KIRREL3: variants seen among roughly 807,000 people sequenced by gnomAD.
KIRREL3 encodes the protein kin of IRRE-like protein 3.
KIRREL3 carries 36 observed loss-of-function variants against 89.7 expected under a neutral mutation model. That is an observed-to-expected ratio of 0.40 (90% confidence interval 0.31 to 0.53). The LOEUF is 0.53. Among genes scored for constraint, KIRREL3 ranks in the 20% least tolerant of loss-of-function variants. The pLI is 0.49. For missense variants in KIRREL3, 864 were observed against 1,056.6 expected, an observed-to-expected ratio of 0.82 and a Z score of 2.53; for synonymous variants, 445 against 441.4, an observed-to-expected ratio of 1.01 and a Z score of -0.10.
At chr11:126,836,679 C>A (rs1943793081) in intron 1 of KIRREL3, among the ~76,000 whole-genome samples, 7 of 152,102 alleles carry the variant, frequency 4.6e-5, no homozygotes. Flanking sequence ...TTCCTTAACT[C>A]CTCATTGCAG....
At position 126,476,755 on chromosome 11, in the gene KIRREL3, G is replaced by A. The variant is rs533203397; in HGVS notation, c.434-3289C>T. On this transcript the variant is annotated intron_variant, in intron 4 of 16. Coordinates refer to ENST00000525144, the MANE Select transcript of KIRREL3 (RefSeq NM_032531.4). This position sits in a 1 kb window ranked among gnomAD's most constrained non-coding sequence, Gnocchi z 6.4. ...CAGTCGCTCTTGGCAGCTGTGTCTG[G>A]CGTGGAAGGGGGCTCCTCATTACCT... Among the ~76,000 whole-genome samples, 1 of 152,130 alleles carries A rather than the reference G, an allele frequency of 6.6e-6. No homozygotes were observed. Among genetic ancestry groups the A allele is most frequent in the Admixed American group, 6.5e-5 (1 of 15,288 alleles).
chr11:126,805,359 C>T lies in KIRREL3; in HGVS notation c.55+195096G>A, dbSNP rs921032911. Among the ~76,000 whole-genome samples, 1 of 152,118 alleles carries T rather than the reference C, an allele frequency of 6.6e-6. No individual in the cohort carries two copies. Among genetic ancestry groups the T allele is most frequent in the Non-Finnish European group, 1.5e-5 (1 of 68,018 alleles). On this transcript the variant is annotated intron_variant, in intron 1 of 16. Transcript: ENST00000525144. The surrounding 1 kb of genome is among the most constrained non-coding windows in gnomAD (Gnocchi z 4.3). Reference sequence around the variant, plus strand: ...GAAAGGAGATTACCCTATTACAAGTCATACTGGGTGGAGGAGATTTAATTA... The same window carrying T: ...GAAAGGAGATTACCCTATTACAAGTTATACTGGGTGGAGGAGATTTAATTA...
intron 1 of KIRREL3, among the ~76,000 whole-genome samples, chr11:126,926,110 G>A (rs767871924): frequency 6.6e-5 from 10 of 152,198 alleles, no homozygotes; most frequent in Non-Finnish European, 1.3e-4. Flanking sequence ...TCAGCCCATC[G>A]CTCCAGGAGT....
chr11:126,440,598 G>C, intron 10 of KIRREL3, 49 bp from the exon 11 acceptor site: 1 of 1,495,778 alleles, frequency 6.7e-7, no homozygotes, highest in South Asian at 1.2e-5. Flanking sequence ...GCACGTCCCT[G>C]CTGGCGCCCT....
chr11:126,929,500 C>T (rs1411871615), intron 1 of KIRREL3, among the ~76,000 whole-genome samples: 7 of 152,040 alleles, frequency 4.6e-5, no homozygotes, highest in East Asian at 3.9e-4. Context: ...CTAAAAAGAT[C>T]GAAACAAAAC....
Position 126,531,776 on chromosome 11 carries a change from C to T in KIRREL3, c.134-5089G>A, listed in dbSNP as rs1958951704. ...TGATGAAACAGAAATAAGGAAGAAA[C>T]AGTGTACACTTCTTGAGGGCAGGGG... On this transcript the variant is annotated intron_variant, in intron 2 of 16. Transcript: ENST00000525144. The surrounding 1 kb of genome is among the most constrained non-coding windows in gnomAD (Gnocchi z 4.7). 6.6e-6 allele frequency among the ~76,000 whole-genome samples: 1 copy of T among 152,190 alleles called. No homozygotes were observed. Among genetic ancestry groups the T allele is most frequent in the Non-Finnish European group, 1.5e-5 (1 of 68,046 alleles).
Position 126,428,031 on chromosome 11 carries a change from G to A in KIRREL3, c.1806+1148C>T, listed in dbSNP as rs1036672539. Among the ~76,000 whole-genome samples the A allele has an allele frequency of 6.6e-6, 1 of 152,212 alleles. No homozygotes were observed. Among genetic ancestry groups the A allele is most frequent in the Admixed American group, 6.5e-5 (1 of 15,284 alleles). ...TAAACGTCTGTGAGCCTCTACCAGGGCCTGTGTAAGGCTCCGAAGACCCCG... is the reference window on the plus strand; with the variant it reads ...TAAACGTCTGTGAGCCTCTACCAGGACCTGTGTAAGGCTCCGAAGACCCCG... On this transcript the variant is annotated intron_variant, in intron 15 of 16. Transcript: ENST00000525144. The surrounding 1 kb of genome is among the most constrained non-coding windows in gnomAD (Gnocchi z 6.4).
At position 126,771,469 on chromosome 11, in the gene KIRREL3, TCTTTG is replaced by T. The variant is rs1281052633; in HGVS notation, c.56-208562_56-208558del. Among the ~76,000 whole-genome samples, 2 of 152,192 alleles carry T rather than the reference TCTTTG, an allele frequency of 1.3e-5. No homozygotes were observed. Among genetic ancestry groups the T allele is most frequent in the African/African-American group, 4.8e-5 (2 of 41,440 alleles). ...TTAATTATCCATTTATCTGATAATT[TCTTTG>T]CATCTTTTTTGGCTTTGCTGTACAG... On this transcript the variant is annotated intron_variant, in intron 1 of 16. Coordinates refer to ENST00000525144, the MANE Select transcript of KIRREL3 (RefSeq NM_032531.4). The surrounding 1 kb of genome is among the most constrained non-coding windows in gnomAD (Gnocchi z 4.4).
Position 126,622,073 on chromosome 11 carries a change from A to C in KIRREL3, c.56-59161T>G, listed in dbSNP as rs1275526009. On this transcript the variant is annotated intron_variant, in intron 1 of 16. Transcript: ENST00000525144. The surrounding 1 kb of genome is among the most constrained non-coding windows in gnomAD (Gnocchi z 5.2). The stretch of plus-strand genomic sequence containing the variant: ...CTGGGTGAATGGTGGTGGGTGTGGT[A>C]ATGGGGCATTGCCACAGATTAGGTA... Among the ~76,000 whole-genome samples, 1 of 152,020 alleles carries C rather than the reference A, an allele frequency of 6.6e-6. No individual in the cohort carries two copies. The highest frequency in any genetic ancestry group is 2.4e-5 in the African/African-American group (1 of 41,372).
intron 2 of KIRREL3, among the ~76,000 whole-genome samples, chr11:126,532,185 C>G (rs1958963652): frequency 6.6e-6 from 1 of 152,166 alleles, no homozygotes. Context: ...AATGCAGGGA[C>G]TTGCACAAGT....
Position 126,841,501 on chromosome 11 carries a change from C to T in KIRREL3, c.55+158954G>A, listed in dbSNP as rs189545425. ...GGTGTCTGAGCTTATTGAATAAATC[C>T]CTCTATGGCACCATAAGATTGCTGT... On this transcript the variant is annotated intron_variant, in intron 1 of 16. Coordinates refer to ENST00000525144, the MANE Select transcript of KIRREL3 (RefSeq NM_032531.4). Among the ~76,000 whole-genome samples the T allele has an allele frequency of 1.0e-3, 154 of 152,258 alleles. 2 individuals are homozygous for T. The highest frequency in any genetic ancestry group is 3.2e-3 in the African/African-American group (135 of 41,544).
chr11:126,489,069 C>A lies in KIRREL3; in HGVS notation c.434-15603G>T, dbSNP rs1405205333. On this transcript the variant is annotated intron_variant, in intron 4 of 16. Coordinates refer to ENST00000525144, the MANE Select transcript of KIRREL3 (RefSeq NM_032531.4). This position sits in a 1 kb window ranked among gnomAD's most constrained non-coding sequence, Gnocchi z 5.5. ...GTGCCCTCTGACCTCCACTAGACTG[C>A]GCTTAGGCATCTGGAGCGCAGCAGT... Among the ~76,000 whole-genome samples the A allele has an allele frequency of 6.6e-6, 1 of 152,182 alleles. No homozygotes were observed. The highest frequency in any genetic ancestry group is 1.5e-5 in the Non-Finnish European group (1 of 68,022).
In KIRREL3 at chr11:126,463,368, G is replaced by A. The variant is rs116830962; in HGVS notation, c.592-61C>T. The A allele has an allele frequency of 6.4e-4, 988 of 1,532,082 alleles. 8 individuals carry two copies. In the African/African-American group the frequency reaches 0.011, roughly 18 times the overall value. 94.9% of individuals were successfully genotyped at this position (1,532,082 alleles called of 1,614,324 possible). A position where few individuals can be genotyped will look rare whatever the true frequency, so the allele number is the denominator to read the frequency against. On this transcript the variant is annotated intron_variant, in intron 5 of 16. Coordinates refer to ENST00000525144, the MANE Select transcript of KIRREL3 (RefSeq NM_032531.4). This position sits in a 1 kb window ranked among gnomAD's most constrained non-coding sequence, Gnocchi z 5.9. ...GTCGCTTGGCTGGGGTGGCCAGCCT[G>A]GGTTGGGGGTAAACGAGCACCAGCT...
chr11:126,962,643 G>C (rs539581905), intron 1 of KIRREL3, among the ~76,000 whole-genome samples: 2 of 152,300 alleles, frequency 1.3e-5, no homozygotes, highest in Admixed American at 1.3e-4. Flanking sequence ...GCAGCAGCAG[G>C]ATTTGAGAGG....
rs752201628 is a variant in KIRREL3 at position 126,490,558 on chromosome 11, C to T, written c.434-17092G>A. Among the ~76,000 whole-genome samples the T allele has an allele frequency of 6.6e-6, 1 of 152,100 alleles. No individual in the cohort carries two copies. Among genetic ancestry groups the T allele is most frequent in the Admixed American group, 6.5e-5 (1 of 15,278 alleles). On this transcript the variant is annotated intron_variant, in intron 4 of 16. Coordinates refer to ENST00000525144, the MANE Select transcript of KIRREL3 (RefSeq NM_032531.4). This position sits in a 1 kb window ranked among gnomAD's most constrained non-coding sequence, Gnocchi z 4.2. The stretch of plus-strand genomic sequence containing the variant: ...CTGTGTTTGTGGTGAGACCTGGGAG[C>T]GACTCCTGGACTCCCGGTTCCAGGC...
chr11:126,545,984 A>C (rs1283476571), intron 2 of KIRREL3, among the ~76,000 whole-genome samples: 1 of 152,174 alleles, frequency 6.6e-6, no homozygotes, highest in Non-Finnish European at 1.5e-5. Flanking sequence ...TGTCTTTCCT[A>C]AGTTTCATTT....
At position 126,537,296 on chromosome 11, in the gene KIRREL3, A is replaced by G. The variant is rs1486910552; in HGVS notation, c.134-10609T>C. Among the ~76,000 whole-genome samples the G allele has an allele frequency of 2.0e-5, 3 of 152,136 alleles. No homozygotes were observed. Among genetic ancestry groups the G allele is most frequent in the Admixed American group, 6.6e-5 (1 of 15,266 alleles). ...TCAGGACATTCTGTGAAACTCGCTG[A>G]GAGTCTTGGATGGTCACATTTGACC... On this transcript the variant is annotated intron_variant, in intron 2 of 16. Transcript: ENST00000525144. The surrounding 1 kb of genome is among the most constrained non-coding windows in gnomAD (Gnocchi z 4.3).
chr11:126,449,633 GCA>G (rs144643651), intron 7 of KIRREL3, among the ~76,000 whole-genome samples: 8 of 149,066 alleles, frequency 5.4e-5, no homozygotes, highest in Non-Finnish European at 8.8e-5. Flanking sequence ...GTGTGCACGA[GCA>G]CACACACACA....
In KIRREL3 at chr11:126,516,117, C is replaced by G. The variant is rs750705307; in HGVS notation, c.433+5198G>C. 6.6e-6 allele frequency among the ~76,000 whole-genome samples: 1 copy of G among 152,206 alleles called. No homozygotes were observed. The highest frequency in any genetic ancestry group is 1.5e-5 in the Non-Finnish European group (1 of 68,038). Reference sequence around the variant, plus strand: ...AAACAAACTAGTTAAGGACACGTCACAGATTGGACCTTATCTGTTTTCCTC... The same window carrying G: ...AAACAAACTAGTTAAGGACACGTCAGAGATTGGACCTTATCTGTTTTCCTC... On this transcript the variant is annotated intron_variant, in intron 4 of 16. Transcript: ENST00000525144. This position sits in a 1 kb window ranked among gnomAD's most constrained non-coding sequence, Gnocchi z 4.9.
Sources: allele counts gnomAD v4.1 joint callset (sites outside exome capture counted in the v4.1 genomes callset), GRCh38; gene constraint gnomAD v4.1.1; non-coding constraint Gnocchi (gnomAD v3.1); transcripts MANE v1.5; gene names NCBI Gene and HGNC (gene_info 2026-07-23, HGNC 2026-07-21).